Variants in ZMYM2 observed in about 807,000 individuals in gnomAD.
ZMYM2 encodes the protein zinc finger MYM-type protein 2.
A neutral mutation model predicts 162.8 loss-of-function variants in ZMYM2; 56 were observed. The observed-to-expected ratio is 0.34, with a 90% confidence interval of 0.28 to 0.43. The LOEUF is 0.43. ZMYM2 is among the 20% of genes least tolerant of loss of function. The pLI, the probability that ZMYM2 is intolerant of heterozygous loss-of-function variation, is 1.00. For synonymous variants in ZMYM2, 510 were observed against 541.6 expected, an observed-to-expected ratio of 0.94 and a Z score of 0.81; for missense variants, 1,275 against 1,621.8, an observed-to-expected ratio of 0.79 and a Z score of 3.67.
the ZMYM2 span, among the ~76,000 whole-genome samples, chr13:19,878,045 C>G: frequency 7.3e-6 from 1 of 136,386 alleles, no homozygotes; most frequent in Non-Finnish European, 1.5e-5. Flanking sequence ...ACACTGATTA[C>G]TTTTTGATTA....
the ZMYM2 span, among the ~76,000 whole-genome samples, chr13:19,928,430 TA>T: frequency 1.3e-5 from 2 of 151,932 alleles, no homozygotes; most frequent in Admixed American, 6.6e-5. Flanking sequence ...TAAGTGCAAT[TA>T]AAAAAAAGAA....
At chr13:20,082,601 C>G (rs1957983506) in intron 22 of ZMYM2, among the ~76,000 whole-genome samples, 180 bp from the exon 23 acceptor site, 1 of 152,110 alleles carries the variant, frequency 6.6e-6, no homozygotes, top group Admixed American at 6.5e-5. Context: ...ATAATAGTTC[C>G]ATAGTAGCCT....
the ZMYM2 span, among the ~76,000 whole-genome samples, chr13:19,932,847 G>A: frequency 0.013 from 1,904 of 152,222 alleles, 22 homozygotes; most frequent in Middle Eastern, 0.024. Context: ...AAACCACCCA[G>A]TCATGGTGTT....
At chr13:19,939,342 A>G in the ZMYM2 span, among the ~76,000 whole-genome samples, 1 of 152,030 alleles carries the variant, frequency 6.6e-6, no homozygotes, top group African/African-American at 2.4e-5. Flanking sequence ...GTCTTTTGAC[A>G]GTTCATAAAA....
chr13:20,070,418 A>T, intron 21 of ZMYM2: 1 of 169,010 alleles, frequency 5.9e-6, no homozygotes, highest in Non-Finnish European at 1.4e-5. Flanking sequence ...TTTGTGGTTG[A>T]AATTCAGAGT....
intron 21 of ZMYM2, among the ~76,000 whole-genome samples, chr13:20,067,828 C>T (rs1213830283): frequency 6.6e-6 from 1 of 152,140 alleles, no homozygotes; most frequent in Non-Finnish European, 1.5e-5. Context: ...CTACAGTAAA[C>T]ATGGAGATCA....
At chr13:19,888,437 C>T in the ZMYM2 span, among the ~76,000 whole-genome samples, 1 of 151,650 alleles carries the variant, frequency 6.6e-6, no homozygotes, top group Non-Finnish European at 1.5e-5. Context: ...GATCCTCCTG[C>T]CTTGGCATCC....
chr13:19,884,851 A>C, the ZMYM2 span, among the ~76,000 whole-genome samples: 167 of 152,210 alleles, frequency 1.1e-3, 1 homozygote, highest in African/African-American at 4.0e-3. Flanking sequence ...ACCTGAGCAC[A>C]TCACAATTGC....
the ZMYM2 span, among the ~76,000 whole-genome samples, chr13:19,882,243 T>C: frequency 3.9e-5 from 6 of 152,166 alleles, no homozygotes; most frequent in African/African-American, 1.4e-4. Flanking sequence ...AAGACAACCT[T>C]CATAATGGGA....
the ZMYM2 span, among the ~76,000 whole-genome samples, chr13:19,892,903 CG>C: frequency 6.6e-6 from 1 of 150,786 alleles, no homozygotes; most frequent in Non-Finnish European, 1.5e-5. Flanking sequence ...TTAGTAGAGA[CG>C]GGGTTTCACC....
upstream of ZMYM2, among the ~76,000 whole-genome samples, chr13:19,956,886 G>A (rs1480293816): frequency 6.6e-6 from 1 of 152,202 alleles, no homozygotes; most frequent in African/African-American, 2.4e-5. Flanking sequence ...GAGGATGTTT[G>A]TTTTGATGAT....
At chr13:19,885,920 T>TATATGTGTGTGTATACAC in the ZMYM2 span, among the ~76,000 whole-genome samples, 1 of 57,450 alleles carries the variant, frequency 1.7e-5, no homozygotes, top group Non-Finnish European at 3.8e-5. Context: ...TATATACACA[T>TATATGTGTGTGTATACAC]ATATATGTGT....
chr13:19,957,856 C>T (rs1360757564), upstream of ZMYM2, among the ~76,000 whole-genome samples: 1 of 152,200 alleles, frequency 6.6e-6, no homozygotes. Context: ...AGGCGGGGAG[C>T]TGCGTCTGGG....
chr13:19,981,696 C>G (rs1957342918), intron 2 of ZMYM2, among the ~76,000 whole-genome samples: 2 of 152,100 alleles, frequency 1.3e-5, no homozygotes, highest in African/African-American at 2.4e-5. Context: ...GATATCTTTT[C>G]TTTTCTCTCT....
At chr13:19,985,267 A>T (rs1252447574) in intron 2 of ZMYM2, among the ~76,000 whole-genome samples, 1 of 152,014 alleles carries the variant, frequency 6.6e-6, no homozygotes, top group African/African-American at 2.4e-5. Context: ...GGGACTACAG[A>T]TGTGCACCAC....
intron 12 of ZMYM2, among the ~76,000 whole-genome samples, chr13:20,048,551 C>T (rs1011688456): frequency 2.2e-4 from 33 of 151,972 alleles, no homozygotes; most frequent in African/African-American, 7.7e-4. Flanking sequence ...TCATGGTTCT[C>T]CCCTGGAAAA....
Position 20,073,693 on chromosome 13 carries a change from A to C in ZMYM2, c.3453+6303A>C, listed in dbSNP as rs185808683. Reference sequence around the variant, plus strand: ...TTTTCCTTGACTTAAGGAAAATGCTATCACAGGAAGTTGAATCTCTGGATT... The same window carrying C: ...TTTTCCTTGACTTAAGGAAAATGCTCTCACAGGAAGTTGAATCTCTGGATT... On this transcript the variant is annotated intron_variant, in intron 21 of 24. Transcript: ENST00000610343. Among the ~76,000 whole-genome samples, 530 of 152,298 alleles carry C rather than the reference A, an allele frequency of 3.5e-3. 2 individuals are homozygous for C. The highest frequency in any genetic ancestry group is 4.4e-3 in the Non-Finnish European group (300 of 68,022).
chr13:19,962,972 C>T (rs1955414068), intron 2 of ZMYM2, among the ~76,000 whole-genome samples: 1 of 151,696 alleles, frequency 6.6e-6, no homozygotes, highest in Non-Finnish European at 1.5e-5. Context: ...AGGCACGTGC[C>T]ACTACACCTG....
At chr13:19,982,530 T>C (rs1957436914) in intron 2 of ZMYM2, among the ~76,000 whole-genome samples, 1 of 152,050 alleles carries the variant, frequency 6.6e-6, no homozygotes, top group African/African-American at 2.4e-5. Flanking sequence ...TGAAGTGATC[T>C]ACCTGCCTCG....
Sources: allele counts gnomAD v4.1 joint callset (sites outside exome capture counted in the v4.1 genomes callset), GRCh38; gene constraint gnomAD v4.1.1; transcripts MANE v1.5; gene names NCBI Gene and HGNC (gene_info 2026-07-23, HGNC 2026-07-21).